The following MED13 variants were observed in gnomAD, a reference collection of about 807,000 sequenced individuals.
The protein encoded by MED13 is mediator of RNA polymerase II transcription subunit 13.
MED13 carries 23 observed loss-of-function variants against 225.2 expected under a neutral mutation model. The observed-to-expected ratio is 0.10, with a 90% CI of 0.07 to 0.14. The LOEUF is 0.14. Ranked by LOEUF, MED13 falls within the 10% of genes least tolerant of loss-of-function variation. The pLI, the probability that MED13 is intolerant of heterozygous loss-of-function variation, is 1.00. For missense variants in MED13, 2,197 were observed against 2,594.5 expected (o/e 0.85, Z 3.33); for synonymous variants, 942 against 889.2 (o/e 1.06, Z -1.06).
chr17:62,016,920 G>C (rs1006862724), intron 8 of MED13, among the ~76,000 whole-genome samples: 24 of 152,076 alleles, frequency 1.6e-4, no homozygotes, highest in Admixed American at 4.6e-4. Context: ...TGAGGCAGGA[G>C]AATCACTTGA....
Position 61,960,982 on chromosome 17 carries a change from C to T in MED13, c.5365G>A (p.Val1789Ile), listed in dbSNP as rs372646923. Residue 1789 changes from valine (V) to isoleucine (I), a missense_variant, in exon 23 of 30, where the codon GTT (valine) becomes ATT (isoleucine). By Grantham distance (29) the Val-to-Ile change is conservative. Around this residue, in one of 12 missense-constraint regions of MED13, gnomAD observed 78 missense variants for 82.1 expected, o/e 0.95. Coordinates refer to ENST00000397786, the MANE Select transcript of MED13 (RefSeq NM_005121.3). Reference sequence around the variant, plus strand: ...GATAAACAGTATCCCACAAAAAGAACATTATATTTCTGTCCAGCTTCTCCA... The same window carrying T: ...GATAAACAGTATCCCACAAAAAGAATATTATATTTCTGTCCAGCTTCTCCA... ...TFGEAGQKYN[V>I]LFVGYCLSHD... The T allele has an allele frequency of 7.4e-6, 12 of 1,613,880 alleles. No individual in the cohort carries two copies. The Admixed American group carries it at 1.5e-4, about 20-fold the overall frequency.
intron 3 of MED13, among the ~76,000 whole-genome samples, chr17:62,045,599 CT>C (rs146385522): frequency 6.6e-6 from 1 of 152,060 alleles, no homozygotes; most frequent in East Asian, 1.9e-4. Context: ...TTCAGAATAT[CT>C]TTTATAGAAG....
intron 17 of MED13, among the ~76,000 whole-genome samples, chr17:61,969,989 A>G (rs1436853246): frequency 6.6e-6 from 1 of 152,216 alleles, no homozygotes; most frequent in African/African-American, 2.4e-5. Context: ...AGATTACAAA[A>G]CAAAACTATC....
chr17:62,043,953 T>C (rs896196655), intron 3 of MED13, among the ~76,000 whole-genome samples: 2 of 152,128 alleles, frequency 1.3e-5, no homozygotes, highest in Non-Finnish European at 2.9e-5. Context: ...GTACATTAGA[T>C]GACAGGAAGA....
At chr17:62,001,044 G>C (rs1007964387) in intron 9 of MED13, among the ~76,000 whole-genome samples, 4 of 152,174 alleles carry the variant, frequency 2.6e-5, no homozygotes, top group African/African-American at 9.7e-5. Flanking sequence ...TTACAGGCGT[G>C]AGTCACTGCG....
At chr17:61,961,878 A>C in intron 21 of MED13, 99 bp from the exon 22 acceptor site, 1 of 1,092,342 alleles carries the variant, frequency 9.2e-7, no homozygotes, top group Non-Finnish European at 1.3e-6. Flanking sequence ...TAGAAAATTT[A>C]CACAAAACCT....
At position 61,946,294 on chromosome 17, in the gene MED13, G is replaced by A; in HGVS notation, c.*174C>T. On this transcript the variant is annotated 3_prime_UTR_variant, in exon 30 of 30. Transcript: ENST00000397786. Reference sequence around the variant, plus strand: ...TCCTAAAGAGTTCAATAGAGTCAATGAAAAATAGCAGGGTTATAGCCCCTC... The same window carrying A: ...TCCTAAAGAGTTCAATAGAGTCAATAAAAAATAGCAGGGTTATAGCCCCTC... 1.5e-6 allele frequency: 1 copy of A among 679,318 alleles called. No individual in the cohort carries two copies. The highest frequency in any genetic ancestry group is 2.4e-6 in the Non-Finnish European group (1 of 421,338). 42.1% of individuals were successfully genotyped at this position (679,318 alleles called of 1,614,324 possible). A position where few individuals can be genotyped will look rare whatever the true frequency, so the allele number is the denominator to read the frequency against.
At position 61,982,305 on chromosome 17, in the gene MED13, T is replaced by G; in HGVS notation, c.3698A>C (p.Tyr1233Ser). ...VEERDCCNDC[Y>S]LALEHGRQFM... Reference sequence around the variant, plus strand: ...CTGACGCCCATGTTCTAATGCAAGGTAGCAGTCATTGCAACAGTCACGCTC... The same window carrying G: ...CTGACGCCCATGTTCTAATGCAAGGGAGCAGTCATTGCAACAGTCACGCTC... The change falls in exon 16 of 30, where the codon TAC becomes TCC. Residue 1233 changes from tyrosine to serine, a missense_variant. Tyr to Ser is a moderately radical substitution (Grantham distance 144). Around this residue, in one of 12 missense-constraint regions of MED13, gnomAD observed 203 missense variants for 209.7 expected, o/e 0.97. Coordinates refer to ENST00000397786, the MANE Select transcript of MED13 (RefSeq NM_005121.3). 2 of 1,614,200 alleles carry G rather than the reference T, an allele frequency of 1.2e-6. No individual in the cohort carries two copies. Among genetic ancestry groups the G allele is most frequent in the Non-Finnish European group, 1.7e-6 (2 of 1,180,010 alleles).
At chr17:61,990,664 C>CA (rs1363741140) in intron 11 of MED13, among the ~76,000 whole-genome samples, 6 of 147,170 alleles carry the variant, frequency 4.1e-5, no homozygotes, top group Admixed American at 4.0e-4. Flanking sequence ...CACTCCCCCC[C>CA]AAAACATCAT....
In MED13 at chr17:61,946,312, A is replaced by T; in HGVS notation, c.*156T>A. 1.2e-6 allele frequency: 1 copy of T among 810,910 alleles called. No individual in the cohort carries two copies. Among genetic ancestry groups the T allele is most frequent in the Non-Finnish European group, 1.9e-6 (1 of 532,112 alleles). 50.2% of individuals were successfully genotyped at this position (810,910 alleles called of 1,614,324 possible). ...AGTCAATGAAAAATAGCAGGGTTAT[A>T]GCCCCTCCCCCCAAGTCAAAACAAT... On this transcript the variant is annotated 3_prime_UTR_variant, in exon 30 of 30. Transcript: ENST00000397786.
chr17:62,055,987 T>C (rs940211708), intron 2 of MED13, among the ~76,000 whole-genome samples: 1 of 152,162 alleles, frequency 6.6e-6, no homozygotes, highest in African/African-American at 2.4e-5. Context: ...AACAAACAAG[T>C]AGAGACCACC....
intron 8 of MED13, among the ~76,000 whole-genome samples, chr17:62,020,351 T>A (rs1243202433): frequency 6.6e-6 from 1 of 152,120 alleles, no homozygotes; most frequent in Non-Finnish European, 1.5e-5. Flanking sequence ...ATTGAGACTT[T>A]CTGTAACCCA....
chr17:61,990,650 T>TATATATATATAC lies in MED13; in HGVS notation c.2263+1889_2263+1890insGTATATATATAT, dbSNP rs1491124278. ...GTGTATATATATATATATATATATATACACACTCCCCCCCAAAACATCATG... is the reference window on the plus strand; with the variant it reads ...GTGTATATATATATATATATATATATATATATATATACACACACTCCCCCCCAAAACATCATG... On this transcript the variant is annotated intron_variant, in intron 11 of 29. Transcript: ENST00000397786. Among the ~76,000 whole-genome samples the TATATATATATAC allele has an allele frequency of 6.4e-3, 910 of 141,094 alleles. 9 individuals are homozygous for TATATATATATAC. Among genetic ancestry groups the TATATATATATAC allele is most frequent in the African/African-American group, 0.023 (852 of 37,154 alleles). 92.6% of individuals were successfully genotyped at this position (141,094 alleles called of 152,430 possible).
chr17:62,032,824 G>C (rs932300200), intron 5 of MED13, among the ~76,000 whole-genome samples: 4 of 152,150 alleles, frequency 2.6e-5, no homozygotes, highest in African/African-American at 7.2e-5. Context: ...CTGAATGAGA[G>C]GACATAGAGA....
intron 8 of MED13, among the ~76,000 whole-genome samples, chr17:62,022,174 A>AATATAT (rs35902303): frequency 2.1e-4 from 30 of 141,276 alleles, no homozygotes; most frequent in African/African-American, 5.5e-4. Context: ...TCAAAAAAAA[A>AATATAT]ATATATATAT....
At chr17:62,008,317 C>CAAAAAAAAAAA (rs766909961) in intron 9 of MED13, among the ~76,000 whole-genome samples, 1,590 of 33,080 alleles carry the variant, frequency 0.048, 203 homozygotes, top group East Asian at 0.063. Flanking sequence ...GGCTCTGTCT[C>CAAAAAAAAAAA]AAAAAAAAAA....
intron 8 of MED13, among the ~76,000 whole-genome samples, chr17:62,015,533 A>T (rs974942963): frequency 6.6e-6 from 1 of 151,948 alleles, no homozygotes; most frequent in East Asian, 1.9e-4. Context: ...GGAACCTGTT[A>T]ATTTTTAATT....
intron 3 of MED13, among the ~76,000 whole-genome samples, chr17:62,046,024 A>G (rs1223847641): frequency 6.6e-6 from 1 of 152,242 alleles, no homozygotes; most frequent in East Asian, 1.9e-4. Context: ...GTAGTTTCAC[A>G]TCATAAATTT....
In MED13 at chr17:62,035,597, G is replaced by A. The variant is rs1168053332; in HGVS notation, c.482C>T (p.Ser161Phe). Residue 161 changes from serine to phenylalanine, a missense_variant, in exon 4 of 30, where the codon TCC (serine) becomes TTC (phenylalanine). Ser to Phe is a radical substitution (Grantham distance 155). This residue lies in a region of MED13 where 884 missense variants were observed against 918.5 expected (regional missense o/e 0.96). Transcript: ENST00000397786. The stretch of plus-strand genomic sequence containing the variant: ...ATGCAAGAAAAAGGTGAAGGAGCAG[G>A]ACAAGTGTTCACTAAAAAAGAAGAA... ...EKPINKSEHL[S>F]CSFTFFLHGD... 6.2e-7 allele frequency: 1 copy of A among 1,607,186 alleles called. No individual in the cohort carries two copies. The highest frequency in any genetic ancestry group is 8.5e-7 in the Non-Finnish European group (1 of 1,178,396).
Sources: gnomAD v4.1 joint callset for allele counts (sites outside exome capture counted in the v4.1 genomes callset) on GRCh38, gnomAD v4.1.1 for gene constraint, gnomAD v4.1.1 regional missense constraint, MANE v1.5 for transcripts, NCBI Gene and HGNC (gene_info 2026-07-23, HGNC 2026-07-21) for gene names.